The following LRP1B variants were observed in gnomAD, a reference collection of about 807,000 sequenced individuals.
The protein encoded by LRP1B is LDL receptor related protein 1B, also known as low-density lipoprotein receptor-related protein 1B.
A neutral mutation model predicts 556.6 loss-of-function variants in LRP1B; 217 were observed. The observed-to-expected ratio is 0.39, with a 90% CI of 0.35 to 0.44. The LOEUF (loss-of-function observed/expected upper bound fraction) is 0.44. LRP1B is among the 20% of genes least tolerant of loss of function. The probability of loss-of-function intolerance (pLI) is 1.00; values close to 1 mark genes in which losing one functional copy is unlikely to be tolerated. For missense variants in LRP1B, 5,053 were observed against 5,620.8 expected, an observed-to-expected ratio of 0.90 and a Z score of 3.23; for synonymous variants, 2,047 against 1,865.8, an observed-to-expected ratio of 1.10 and a Z score of -2.50.
chr2:141,215,290 C>T (rs1682752170), intron 6 of LRP1B, among the ~76,000 whole-genome samples: 1 of 152,194 alleles, frequency 6.6e-6, no homozygotes, highest in African/African-American at 2.4e-5. Context: ...ATTATGCTTC[C>T]TGTACAGCCT....
intron 17 of LRP1B, among the ~76,000 whole-genome samples, chr2:140,985,790 A>G (rs1371402468): frequency 6.6e-6 from 1 of 151,956 alleles, no homozygotes; most frequent in Non-Finnish European, 1.5e-5. Context: ...AAGGTATAGG[A>G]AATAATATCA....
At chr2:141,334,389 C>A (rs910576335) in intron 3 of LRP1B, among the ~76,000 whole-genome samples, 1 of 152,272 alleles carries the variant, frequency 6.6e-6, no homozygotes, top group Non-Finnish European at 1.5e-5. Context: ...ACGTCCACTC[C>A]TGCTTTGACT....
chr2:141,731,844 C>A (rs941157331), intron 2 of LRP1B, among the ~76,000 whole-genome samples: 1 of 152,090 alleles, frequency 6.6e-6, no homozygotes, highest in Non-Finnish European at 1.5e-5. Flanking sequence ...TTGGTGTCTG[C>A]CCACACTACT....
chr2:140,429,351 C>A (rs1685812796), intron 66 of LRP1B, among the ~76,000 whole-genome samples: 1 of 152,152 alleles, frequency 6.6e-6, no homozygotes, highest in Non-Finnish European at 1.5e-5. Context: ...ATCCTCAATA[C>A]TTCCCTCCAC....
At chr2:141,175,072 T>TTC (rs1191680642) in intron 7 of LRP1B, among the ~76,000 whole-genome samples, 1 of 152,054 alleles carries the variant, frequency 6.6e-6, no homozygotes, top group Non-Finnish European at 1.5e-5. Flanking sequence ...TGGAAGAAAT[T>TTC]TCTAAGCAGC....
At chr2:141,544,346 CT>C (rs1170436351) in intron 2 of LRP1B, among the ~76,000 whole-genome samples, 34 of 85,016 alleles carry the variant, frequency 4.0e-4, no homozygotes, top group African/African-American at 1.4e-3. Context: ...TCTTCTTCTT[CT>C]TCTTCTTCTT....
intron 1 of LRP1B, among the ~76,000 whole-genome samples, chr2:141,959,645 GTATTT>G (rs563329517): frequency 3.7e-4 from 56 of 151,772 alleles, no homozygotes; most frequent in Non-Finnish European, 7.7e-4. Flanking sequence ...ACTTTAAAAT[GTATTT>G]TATTTAATAA....
chr2:141,899,582 A>G (rs2104930886), intron 1 of LRP1B, among the ~76,000 whole-genome samples: 1 of 152,224 alleles, frequency 6.6e-6, no homozygotes. Flanking sequence ...TTACAGGTAT[A>G]AATTGGACTT....
chr2:141,935,511 C>T (rs1022942009), intron 1 of LRP1B, among the ~76,000 whole-genome samples: 9 of 151,670 alleles, frequency 5.9e-5, no homozygotes, highest in Admixed American at 2.0e-4. Flanking sequence ...CAGAACAGAC[C>T]AAGGAAAATA....
intron 1 of LRP1B, among the ~76,000 whole-genome samples, chr2:142,114,814 A>G (rs955881616): frequency 6.6e-6 from 1 of 152,052 alleles, no homozygotes; most frequent in Admixed American, 6.6e-5. Flanking sequence ...ATTTAGATAG[A>G]CAGAAAAAGA....
At chr2:141,112,018 C>A (rs1700765509) in intron 7 of LRP1B, among the ~76,000 whole-genome samples, 1 of 150,974 alleles carries the variant, frequency 6.6e-6, no homozygotes, top group African/African-American at 2.4e-5. Flanking sequence ...TGCACTCCAG[C>A]CTGGGCAACA....
rs540281685 is a variant in LRP1B, at chr2:140,442,586, C to T, written c.10332G>A (p.Lys3444=). The T allele has an allele frequency of 1.2e-6, 2 of 1,613,916 alleles. No homozygotes were observed. The highest frequency in any genetic ancestry group is 2.2e-5 in the South Asian group (2 of 91,080). ...GCTTGGAAATGCAATGCTTCGTAGT[C>T]TTACACTGGAAATAGTCTGGAGAAC... The part of the protein sequence containing the change: ...NSCSPDYFQC[K]TTKHCISKLW... Residue 3444 remains lysine, a synonymous_variant, in exon 66 of 91, where the codon AAG becomes AAA. Transcript: ENST00000389484.
At chr2:140,425,670 T>A (rs1287949961) in intron 66 of LRP1B, among the ~76,000 whole-genome samples, 1 of 152,140 alleles carries the variant, frequency 6.6e-6, no homozygotes, top group Non-Finnish European at 1.5e-5. Context: ...CATCCCAAAG[T>A]GCTGGGATTA....
intron 18 of LRP1B, among the ~76,000 whole-genome samples, chr2:140,968,213 T>G (rs1461323434): frequency 6.6e-6 from 1 of 151,858 alleles, no homozygotes; most frequent in Non-Finnish European, 1.5e-5. Context: ...TCAGAGCCTG[T>G]TATTGGTCTA....
At chr2:140,260,177 T>A (rs1681869983) in intron 86 of LRP1B, among the ~76,000 whole-genome samples, 1 of 152,078 alleles carries the variant, frequency 6.6e-6, no homozygotes, top group Non-Finnish European at 1.5e-5. Context: ...AGCAATAATA[T>A]ATATTATAAG....
chr2:141,273,698 T>C (rs1685174937), intron 3 of LRP1B, among the ~76,000 whole-genome samples: 1 of 152,078 alleles, frequency 6.6e-6, no homozygotes, highest in African/African-American at 2.4e-5. Context: ...TGATATAAAA[T>C]GCACAAGTGA....
At chr2:140,897,982 T>C (rs935636270) in intron 23 of LRP1B, among the ~76,000 whole-genome samples, 6 of 152,088 alleles carry the variant, frequency 3.9e-5, no homozygotes, top group Non-Finnish European at 8.8e-5. Flanking sequence ...AGTTCTGTCC[T>C]TTTAGAGAAC....
intron 84 of LRP1B, among the ~76,000 whole-genome samples, chr2:140,285,324 C>CATACATATGTATATATGTGTACAT (rs1683100142): frequency 3.7e-5 from 3 of 81,112 alleles, no homozygotes; most frequent in African/African-American, 8.6e-5. Flanking sequence ...CATACACACA[C>CATACATATGTATATATGTGTACAT]ATATACACAT....
intron 1 of LRP1B, among the ~76,000 whole-genome samples, chr2:141,954,597 G>T (rs1475085282): frequency 6.6e-6 from 1 of 151,978 alleles, no homozygotes. Context: ...ATGTTTTCTG[G>T]AACACAGCAC....
Sources: allele counts gnomAD v4.1 joint callset (sites outside exome capture counted in the v4.1 genomes callset), GRCh38; gene constraint gnomAD v4.1.1; transcripts MANE v1.5; gene names NCBI Gene and HGNC (gene_info 2026-07-23, HGNC 2026-07-21).